Variants in STAG2 observed in about 807,000 individuals in gnomAD.
The protein encoded by STAG2 is STAG2 cohesin complex component.
A neutral mutation model predicts 108.1 loss-of-function variants in STAG2; 14 were observed. The ratio of observed to expected loss-of-function variants is 0.13; its 90% confidence interval spans 0.09 to 0.20. The LOEUF (loss-of-function observed/expected upper bound fraction) is 0.20, where lower values mean the gene tolerates loss of function less well. Ranked by LOEUF, STAG2 falls within the 10% of genes least tolerant of loss-of-function variation. STAG2 has a pLI of 1.00. For missense variants in STAG2, 440 were observed against 940.9 expected (o/e 0.47, Z 6.96); for synonymous variants, 307 against 302.7 (o/e 1.01, Z -0.15).
At chrX:123,987,762 A>G (rs1203467526) in intron 1 of STAG2, among the ~76,000 whole-genome samples, 1 of 112,072 alleles carries the variant, frequency 8.9e-6, no homozygotes, top group African/African-American at 3.2e-5. Flanking sequence ...TCAACATAAA[A>G]TCTGTACATA....
chrX:124,004,601 A>G (rs953369782), intron 1 of STAG2, among the ~76,000 whole-genome samples: 2 of 111,738 alleles, frequency 1.8e-5, no homozygotes, highest in Admixed American at 1.9e-4. Flanking sequence ...CCATTCATTC[A>G]TTGATAGATA....
At chrX:124,029,329 G>A (rs1275863786) in intron 4 of STAG2, among the ~76,000 whole-genome samples, 2 of 100,978 alleles carry the variant, frequency 2.0e-5, no homozygotes, top group Non-Finnish European at 4.0e-5. Flanking sequence ...TTTATTGCTC[G>A]AGACAGAGTT....
At chrX:123,979,782 G>A (rs2054788795) in intron 1 of STAG2, among the ~76,000 whole-genome samples, 1 of 111,462 alleles carries the variant, frequency 9.0e-6, no homozygotes, top group African/African-American at 3.3e-5. Flanking sequence ...GATTCTTTGA[G>A]TGACCATTTA....
chrX:124,086,367 A>G (rs1020041630), intron 29 of STAG2, among the ~76,000 whole-genome samples, 180 bp from the exon 30 acceptor site: 1 of 111,713 alleles, frequency 9.0e-6, no homozygotes, highest in Non-Finnish European at 1.9e-5. Flanking sequence ...CAAATGTTAA[A>G]CTGAGTGCTC....
At chrX:124,089,931 C>A (rs902574035) in intron 30 of STAG2, among the ~76,000 whole-genome samples, 1 of 109,949 alleles carries the variant, frequency 9.1e-6, no homozygotes, top group African/African-American at 3.3e-5. Flanking sequence ...GAGGCCAAGG[C>A]AGGCAGATCA....
chrX:124,031,688 G>T (rs1174708172), intron 5 of STAG2, among the ~76,000 whole-genome samples: 2 of 107,833 alleles, frequency 1.9e-5, no homozygotes, highest in East Asian at 5.7e-4. Context: ...AAAGTGCTGG[G>T]ATTACAGGCG....
chrX:123,978,399 TGTG>T (rs1457327455), intron 1 of STAG2, among the ~76,000 whole-genome samples: 1 of 110,201 alleles, frequency 9.1e-6, no homozygotes, highest in Admixed American at 9.8e-5. Flanking sequence ...AGTGAGAACA[TGTG>T]GTGTTTGGTT....
chrX:124,045,114 G>A (rs1258864707), intron 7 of STAG2, 50 bp from the exon 8 acceptor site: 1 of 1,065,481 alleles, frequency 9.4e-7, no homozygotes, highest in Admixed American at 2.2e-5. Context: ...CAAGTGATAT[G>A]TTAAGTCATG....
Position 124,100,980 on chromosome X carries a change from CCT to C in STAG2, c.*386_*387del. On this transcript the variant is annotated 3_prime_UTR_variant, in exon 35 of 35. Transcript: ENST00000371145. ...TACTGGTTGTACTAAATAATGATGA[CCT>C]CTGCTGGATTTCTGTTTACATCCAG... is the stretch of plus-strand genomic sequence containing the variant. The C allele has an allele frequency of 6.0e-6, 1 of 165,579 alleles. No individual in the cohort carries two copies. Among genetic ancestry groups the C allele is most frequent in the Non-Finnish European group, 1.2e-5 (1 of 86,486 alleles). 13.6% of individuals were successfully genotyped at this position (165,579 alleles called of 1,213,427 possible).
At chrX:124,037,502 TTTTA>T in intron 5 of STAG2, 21 bp from the exon 6 acceptor site, 1 of 1,044,378 alleles carries the variant, frequency 9.6e-7, no homozygotes, top group Non-Finnish European at 1.3e-6. Context: ...AAGCTAATGA[TTTTA>T]TTTTTTTCCC....
At chrX:124,098,629 A>G (rs914333031) in intron 34 of STAG2, among the ~76,000 whole-genome samples, 2 of 111,829 alleles carry the variant, frequency 1.8e-5, no homozygotes, top group African/African-American at 6.5e-5. Context: ...AAAGCACCCT[A>G]ATGTAGACAC....
intron 29 of STAG2, 142 bp downstream of exon 29, chrX:124,083,691 T>G (rs2059022171): frequency 5.1e-6 from 2 of 388,574 alleles, no homozygotes; most frequent in Non-Finnish European, 8.4e-6. Flanking sequence ...TTCAGCAACT[T>G]TATAATTTAA....
intron 7 of STAG2, among the ~76,000 whole-genome samples, chrX:124,042,907 T>TG (rs1198626614): frequency 1.9e-5 from 2 of 106,286 alleles, no homozygotes; most frequent in African/African-American, 6.8e-5. Flanking sequence ...CCCAGCTACT[T>TG]GGGAGGCTGA....
intron 1 of STAG2, among the ~76,000 whole-genome samples, chrX:124,000,375 T>G (rs1322990735): frequency 9.0e-6 from 1 of 111,588 alleles, no homozygotes; most frequent in Non-Finnish European, 1.9e-5. Flanking sequence ...TACTATTACT[T>G]ATAACAAATT....
Position 124,039,120 on chromosome X carries a change from T to C in STAG2, c.385+1497T>C, listed in dbSNP as rs116153084. Among the ~76,000 whole-genome samples the C allele has an allele frequency of 5.5e-3, 544 of 99,071 alleles. 4 individuals are homozygous for C. The highest frequency in any genetic ancestry group is 0.018 in the African/African-American group (493 of 28,104). The allele number at this position is 99,071 out of a possible 115,157, so 86.0% of individuals were successfully genotyped here. A position where few individuals can be genotyped will look rare whatever the true frequency, so the allele number is the denominator to read the frequency against. On this transcript the variant is annotated intron_variant, in intron 6 of 34. Coordinates refer to ENST00000371145, the MANE Select transcript of STAG2 (RefSeq NM_001042750.2). Reference sequence around the variant, plus strand: ...ACGTAATGAGTTGAAATTTTAAATCTTAAGTCTCCCCTTTTATTTATTATT... The same window carrying C: ...ACGTAATGAGTTGAAATTTTAAATCCTAAGTCTCCCCTTTTATTTATTATT...
At chrX:123,995,050 G>A (rs758819823) in intron 1 of STAG2, among the ~76,000 whole-genome samples, 2 of 111,992 alleles carry the variant, frequency 1.8e-5, no homozygotes, top group African/African-American at 6.5e-5. Context: ...CACACTTGGA[G>A]ACATAAAATG....
chrX:124,044,075 T>A (rs1803685257), intron 7 of STAG2, among the ~76,000 whole-genome samples: 1 of 111,138 alleles, frequency 9.0e-6, no homozygotes, highest in African/African-American at 3.3e-5. Context: ...GATAGATGAG[T>A]TAAAATGGCT....
chrX:124,037,584 G>T lies in STAG2; in HGVS notation c.346G>T (p.Asp116Tyr). The T allele has an allele frequency of 8.4e-7, 1 of 1,188,455 alleles. No individual in the cohort carries two copies. Among genetic ancestry groups the T allele is most frequent in the South Asian group, 1.8e-5 (1 of 55,212 alleles). The change falls in exon 6 of 35, where the codon GAC becomes TAC. Residue 116 changes from aspartate to tyrosine, a missense_variant. By Grantham distance (160) the Asp-to-Tyr change is radical (BLOSUM62 -3). Coordinates refer to ENST00000371145, the MANE Select transcript of STAG2 (RefSeq NM_001042750.2). ...GCATGACCGAGATATAGCACTTCTT[G>T]ACCTTATCAACTTTTTTATTCAGTG... ...YKHDRDIALL[D>Y]LINFFIQCSG...
At chrX:124,093,728 G>T (rs1426499079) in intron 32 of STAG2, among the ~76,000 whole-genome samples, 2 of 111,250 alleles carry the variant, frequency 1.8e-5, no homozygotes, top group African/African-American at 6.5e-5. Context: ...GAGGTATCTT[G>T]TATGTTCCCA....
Sources: allele counts gnomAD v4.1 joint callset (sites outside exome capture counted in the v4.1 genomes callset), GRCh38; gene constraint gnomAD v4.1.1; transcripts MANE v1.5; gene names NCBI Gene and HGNC (gene_info 2026-07-23, HGNC 2026-07-21).